Variants in ARHGAP28 observed in about 807,000 individuals in gnomAD.
ARHGAP28 encodes the protein rho GTPase-activating protein 28.
ARHGAP28 carries 56 observed loss-of-function variants against 90.7 expected under a neutral mutation model. That is an observed-to-expected ratio of 0.62 (90% confidence interval 0.50 to 0.77). ARHGAP28 has a LOEUF of 0.77. Among genes scored for constraint, ARHGAP28 ranks in the 30% least tolerant of loss-of-function variants. The pLI is 0.00. For missense variants in ARHGAP28, 869 were observed against 900.9 expected (o/e 0.96, Z 0.45); for synonymous variants, 308 against 323.3 (o/e 0.95, Z 0.51).
intron 3 of ARHGAP28, among the ~76,000 whole-genome samples, chr18:6,843,296 G>T (rs751131816): frequency 1.3e-5 from 2 of 152,126 alleles, no homozygotes; most frequent in African/African-American, 2.4e-5. Flanking sequence ...GTTAACTACT[G>T]CCGCTCTTCA....
At chr18:6,788,808 A>T (rs1311759889) in intron 1 of ARHGAP28, 1 of 152,040 alleles carries the variant, frequency 6.6e-6, no homozygotes, top group Non-Finnish European at 1.5e-5. Context: ...GCCAGACTGT[A>T]TCAGAGACAA....
In ARHGAP28 at chr18:6,912,099, T is replaced by A; in HGVS notation, c.2135T>A (p.Val712Glu). ...GATCCAGATGCTTATATATTGGATG[T>A]ATATCGTATAAATCCTCAAGCAGAA... ...CLDPDAYILD[V>E]YRINPQAEWV... The change falls in exon 18 of 18, where the codon GTA becomes GAA. Residue 712 changes from valine (V) to glutamate (E), a missense_variant. Transcript: ENST00000383472. 1 of 1,609,286 alleles carries A rather than the reference T, an allele frequency of 6.2e-7. No homozygotes were observed. The highest frequency in any genetic ancestry group is 8.5e-7 in the Non-Finnish European group (1 of 1,177,024).
intron 1 of ARHGAP28, among the ~76,000 whole-genome samples, chr18:6,821,640 C>G (rs1002896314): frequency 2.6e-5 from 4 of 152,092 alleles, no homozygotes; most frequent in Non-Finnish European, 5.9e-5. Flanking sequence ...GCTCTTATCC[C>G]CAAAAATGCT....
At chr18:6,802,794 A>G (rs1333886861) in intron 1 of ARHGAP28, among the ~76,000 whole-genome samples, 1 of 152,168 alleles carries the variant, frequency 6.6e-6, no homozygotes, top group African/African-American at 2.4e-5. Flanking sequence ...TTAATTTCTC[A>G]GCAATGTTTG....
intron 1 of ARHGAP28, among the ~76,000 whole-genome samples, chr18:6,767,750 C>T (rs2056210767): frequency 6.6e-6 from 1 of 152,106 alleles, no homozygotes; most frequent in Non-Finnish European, 1.5e-5. Flanking sequence ...AATATTTTCT[C>T]TTTATCTCTG....
intron 1 of ARHGAP28, among the ~76,000 whole-genome samples, chr18:6,814,420 G>A (rs1431825696): frequency 1.3e-5 from 2 of 152,106 alleles, no homozygotes; most frequent in East Asian, 1.9e-4. Context: ...GAGCTGAAGC[G>A]AGAAAACAGA....
intron 2 of ARHGAP28, among the ~76,000 whole-genome samples, chr18:6,835,147 T>C (rs182152534): frequency 4.1e-3 from 624 of 152,314 alleles, no homozygotes; most frequent in Non-Finnish European, 6.2e-3. Flanking sequence ...TTTAAGGACT[T>C]AGACCATCCT....
intron 2 of ARHGAP28, among the ~76,000 whole-genome samples, chr18:6,833,373 A>T (rs900349666): frequency 6.6e-6 from 1 of 152,070 alleles, no homozygotes; most frequent in Non-Finnish European, 1.5e-5. Context: ...TGACAAAAAA[A>T]GAAACCCTCC....
chr18:6,762,314 AGG>A (rs1363607299), intron 1 of ARHGAP28, among the ~76,000 whole-genome samples: 1 of 152,228 alleles, frequency 6.6e-6, no homozygotes, highest in African/African-American at 2.4e-5. Context: ...CATTTCCCTT[AGG>A]GTAACCTGAA....
At chr18:6,850,962 T>A in intron 3 of ARHGAP28, 72 bp from the exon 4 acceptor site, 1 of 1,588,480 alleles carries the variant, frequency 6.3e-7, no homozygotes, top group Non-Finnish European at 8.6e-7. Flanking sequence ...TCTAGTGTAA[T>A]GCATGTGTGA....
At chr18:6,780,291 T>C (rs1472943435) in intron 1 of ARHGAP28, among the ~76,000 whole-genome samples, 2 of 151,918 alleles carry the variant, frequency 1.3e-5, no homozygotes, top group African/African-American at 4.8e-5. Context: ...GAATCAAAAA[T>C]ATTTGGGGAA....
chr18:6,859,875 C>T lies in ARHGAP28; in HGVS notation c.704C>T (p.Ala235Val), dbSNP rs190733334. ...TCCCAGGATAAAGAAGGGAGTTTTG[C>T]GGTTCCCAGGAGTGACTCTGTGGTA... ...DASQDKEGSF[A>V]VPRSDSVAIL... Residue 235 changes from alanine to valine, a missense_variant, in exon 5 of 18, where the codon GCG (alanine) becomes GTG (valine). Ala to Val is a moderately conservative substitution (Grantham distance 64). Coordinates refer to ENST00000383472, the MANE Select transcript of ARHGAP28 (RefSeq NM_001366230.1). 122 of 1,614,142 alleles carry T rather than the reference C, an allele frequency of 7.6e-5. No individual in the cohort carries two copies. The East Asian group carries it at 2.2e-3, about 29-fold the overall frequency.
intron 1 of ARHGAP28, among the ~76,000 whole-genome samples, chr18:6,782,647 A>C (rs2056334727): frequency 9.4e-6 from 1 of 106,908 alleles, no homozygotes; most frequent in African/African-American, 3.7e-5. Context: ...ACGGGGTTTC[A>C]CCATGTTGAC....
intron 2 of ARHGAP28, among the ~76,000 whole-genome samples, chr18:6,831,471 G>GTTTTTTTTT (rs57331018): frequency 9.0e-4 from 98 of 109,228 alleles, no homozygotes; most frequent in Middle Eastern, 0.014. Context: ...GTATCTTGAT[G>GTTTTTTTTT]TTTTTTTTTT....
chr18:6,837,169 A>G, intron 2 of ARHGAP28, 28 bp from the exon 3 acceptor site: 1 of 1,502,382 alleles, frequency 6.7e-7, no homozygotes, highest in Non-Finnish European at 9.0e-7. Flanking sequence ...AAATATTCTA[A>G]CCCTCTCTTG....
chr18:6,906,242 A>G (rs2057364100), intron 16 of ARHGAP28, among the ~76,000 whole-genome samples: 2 of 152,212 alleles, frequency 1.3e-5, no homozygotes, highest in African/African-American at 4.8e-5. Context: ...TGACCTACAC[A>G]AATAGGCCCA....
chr18:6,837,175 T>C, intron 2 of ARHGAP28, 22 bp from the exon 3 acceptor site: 1 of 1,522,876 alleles, frequency 6.6e-7, no homozygotes. Flanking sequence ...TCTAACCCTC[T>C]CTTGGTAATG....
At chr18:6,868,271 C>T (rs774176632) in intron 6 of ARHGAP28, 37 bp downstream of exon 6, 1 of 1,578,570 alleles carries the variant, frequency 6.3e-7, no homozygotes. Context: ...TCAGCTGTGT[C>T]TTCTCGCTTT....
intron 1 of ARHGAP28, among the ~76,000 whole-genome samples, chr18:6,748,200 G>A (rs1038835867): frequency 6.6e-6 from 1 of 152,072 alleles, no homozygotes; most frequent in Admixed American, 6.5e-5. Context: ...TCCCAAACAA[G>A]ATTCAACCTA....
Sources: allele counts gnomAD v4.1 joint callset (sites outside exome capture counted in the v4.1 genomes callset), GRCh38; gene constraint gnomAD v4.1.1; transcripts MANE v1.5; gene names NCBI Gene and HGNC (gene_info 2026-07-23, HGNC 2026-07-21).